Variants in ASB3 observed in about 807,000 individuals in gnomAD.
ASB3 encodes ankyrin repeat and SOCS box protein 3.
ASB3 carries 41 observed loss-of-function variants against 54.5 expected under a neutral mutation model. That is an observed-to-expected ratio of 0.75 (90% CI 0.59 to 0.98). The LOEUF is 0.98. Among genes scored for constraint, ASB3 ranks in the 50% least tolerant of loss-of-function variants. The pLI is 0.00. For missense variants in ASB3, 733 were observed against 620.0 expected, an observed-to-expected ratio of 1.18 and a Z score of -1.94; for synonymous variants, 266 against 221.2, an observed-to-expected ratio of 1.20 and a Z score of -1.80.
chr2:53,748,098 C>T lies in ASB3; in HGVS notation c.355+2685G>A, dbSNP rs1672325960. Among the ~76,000 whole-genome samples, 4 of 152,258 alleles carry T rather than the reference C, an allele frequency of 2.6e-5. No individual in the cohort carries two copies. The South Asian group carries it at 8.3e-4, about 32-fold the overall frequency. On this transcript the variant is annotated intron_variant, in intron 3 of 9. Transcript: ENST00000263634. ...AAGTGGGAATAATAATAGTACATGT[C>T]TCAGAATCACAGTGAAGATCCAATT...
intron 8 of ASB3, among the ~76,000 whole-genome samples, chr2:53,699,115 C>T (rs1185701974): frequency 6.6e-6 from 1 of 152,156 alleles, no homozygotes; most frequent in Non-Finnish European, 1.5e-5. Flanking sequence ...GGCCTTCTTG[C>T]TGTGTCATAA....
chr2:53,733,685 G>A (rs191183236), intron 3 of ASB3, among the ~76,000 whole-genome samples: 39 of 152,010 alleles, frequency 2.6e-4, no homozygotes, highest in African/African-American at 7.5e-4. Flanking sequence ...CATATAATCC[G>A]CCCACCTTGG....
intron 7 of ASB3, among the ~76,000 whole-genome samples, chr2:53,703,521 C>CTCA (rs1669604485): frequency 6.6e-6 from 1 of 152,162 alleles, no homozygotes; most frequent in Admixed American, 6.6e-5. Context: ...ATCACTTGAC[C>CTCA]TCATAAGTTT....
intron 8 of ASB3, among the ~76,000 whole-genome samples, chr2:53,696,239 T>A (rs1339800644): frequency 6.6e-6 from 1 of 152,350 alleles, no homozygotes; most frequent in East Asian, 1.9e-4. Context: ...GCATTCTGCA[T>A]TCAGAATACC....
intron 7 of ASB3, among the ~76,000 whole-genome samples, chr2:53,706,658 G>A (rs1669789669): frequency 6.6e-6 from 1 of 152,112 alleles, no homozygotes; most frequent in Admixed American, 6.5e-5. Flanking sequence ...TGTTAGCCAG[G>A]ATGGTCTCAA....
At chr2:53,786,071 T>G (rs2104246456) in intron 1 of ASB3, among the ~76,000 whole-genome samples, 1 of 152,300 alleles carries the variant, frequency 6.6e-6, no homozygotes, top group African/African-American at 2.4e-5. Context: ...TTAACAGATC[T>G]AGCAAGACTG....
intron 7 of ASB3, among the ~76,000 whole-genome samples, chr2:53,710,081 G>A (rs1670005676): frequency 6.6e-6 from 1 of 152,180 alleles, no homozygotes; most frequent in African/African-American, 2.4e-5. Context: ...AGCTTCATCT[G>A]ATATTTAATG....
At chr2:53,689,332 A>C (rs953522762) in intron 9 of ASB3, among the ~76,000 whole-genome samples, 1 of 152,242 alleles carries the variant, frequency 6.6e-6, no homozygotes, top group Non-Finnish European at 1.5e-5. Flanking sequence ...GGCATAAAAT[A>C]AGGTTGTGTT....
chr2:53,690,030 G>C lies in ASB3; in HGVS notation c.1369+3854C>G, dbSNP rs1458150474. Among the ~76,000 whole-genome samples, 7 of 151,898 alleles carry C rather than the reference G, an allele frequency of 4.6e-5. No homozygotes were observed. The East Asian group carries it at 1.4e-3, about 29-fold the overall frequency. The stretch of plus-strand genomic sequence containing the variant: ...GAAGGATCACTTGAGCCCAGGAGGA[G>C]TTCAAGAGCAGCCCGGGTAACATGG... On this transcript the variant is annotated intron_variant, in intron 9 of 9. Coordinates refer to ENST00000263634, the MANE Select transcript of ASB3 (RefSeq NM_016115.5).
intron 5 of ASB3, among the ~76,000 whole-genome samples, chr2:53,728,353 A>T (rs1671122879): frequency 6.6e-6 from 1 of 152,168 alleles, no homozygotes; most frequent in Non-Finnish European, 1.5e-5. Context: ...GCCTTAATAA[A>T]CAAAATAGCC....
At chr2:53,726,657 T>TAC (rs1028845187) in intron 5 of ASB3, among the ~76,000 whole-genome samples, 1 of 151,314 alleles carries the variant, frequency 6.6e-6, no homozygotes, top group Non-Finnish European at 1.5e-5. Context: ...CACATATATA[T>TAC]ACACACACAT....
chr2:53,722,046 C>G (rs1230040906), intron 5 of ASB3, among the ~76,000 whole-genome samples: 1 of 152,052 alleles, frequency 6.6e-6, no homozygotes, highest in South Asian at 2.1e-4. Flanking sequence ...TCCTCTGAGA[C>G]TATTACGAAC....
At chr2:53,714,958 T>C (rs1443937706) in intron 6 of ASB3, among the ~76,000 whole-genome samples, 1 of 152,172 alleles carries the variant, frequency 6.6e-6, no homozygotes, top group African/African-American at 2.4e-5. Context: ...CTACTAAGTA[T>C]AAACTGGCAT....
chr2:53,697,730 T>C (rs1394552616), intron 8 of ASB3, among the ~76,000 whole-genome samples: 1 of 152,136 alleles, frequency 6.6e-6, no homozygotes, highest in Non-Finnish European at 1.5e-5. Flanking sequence ...AAGTCCAAAA[T>C]TCAAGAGGAT....
intron 3 of ASB3, among the ~76,000 whole-genome samples, chr2:53,733,890 ATT>A (rs1440514362): frequency 6.6e-6 from 1 of 152,210 alleles, no homozygotes; most frequent in Non-Finnish European, 1.5e-5. Context: ...AGTGATAAGC[ATT>A]GTTTCTACAG....
Position 53,729,509 on chromosome 2 carries a change from A to G in ASB3, c.417T>C (p.Asn139=). The G allele has an allele frequency of 6.2e-7, 1 of 1,613,986 alleles. No individual in the cohort carries two copies. The highest frequency in any genetic ancestry group is 1.1e-5 in the South Asian group (1 of 91,082). ...TCCATCCACACATAGAATGGGATCCATTAACATTTGCTCCGTGTTGAAGCA... is the reference window on the plus strand; with the variant it reads ...TCCATCCACACATAGAATGGGATCCGTTAACATTTGCTCCGTGTTGAAGCA... The part of the protein sequence containing the change: ...RLLLQHGANV[N]GSHSMCGWNS... Residue 139 remains asparagine, a synonymous_variant, in exon 4 of 10, where the codon AAT becomes AAC. Transcript: ENST00000263634.
chr2:53,676,630 C>T (rs1668093267), intron 9 of ASB3, among the ~76,000 whole-genome samples: 1 of 152,162 alleles, frequency 6.6e-6, no homozygotes, highest in Non-Finnish European at 1.5e-5. Flanking sequence ...CAGTAGCATA[C>T]AGTAATGTCT....
At chr2:53,711,341 T>C (rs1051523762) in intron 7 of ASB3, among the ~76,000 whole-genome samples, 2 of 152,164 alleles carry the variant, frequency 1.3e-5, no homozygotes, top group African/African-American at 4.8e-5. Flanking sequence ...GTGTCTATGT[T>C]TCAGCTTCCT....
intron 9 of ASB3, among the ~76,000 whole-genome samples, chr2:53,686,990 G>A (rs898325206): frequency 3.3e-5 from 5 of 152,192 alleles, no homozygotes; most frequent in African/African-American, 1.2e-4. Flanking sequence ...AAAGTACTGG[G>A]ATTACAGGCA....
Sources: gnomAD v4.1 joint callset for allele counts (sites outside exome capture counted in the v4.1 genomes callset) on GRCh38, gnomAD v4.1.1 for gene constraint, MANE v1.5 for transcripts, NCBI Gene and HGNC (gene_info 2026-07-23, HGNC 2026-07-21) for gene names.